KIAA1217: variants seen among roughly 807,000 people sequenced by gnomAD.
The protein encoded by KIAA1217 is KIAA1217.
Under a neutral mutation model 163.9 loss-of-function variants are expected in KIAA1217, and 88 were observed. That is an observed-to-expected ratio of 0.54 (90% confidence interval 0.45 to 0.64). The LOEUF (loss-of-function observed/expected upper bound fraction) is 0.64. Among genes scored for constraint, KIAA1217 ranks in the 30% least tolerant of loss-of-function variants. The pLI is 0.00. For synonymous variants in KIAA1217, 903 were observed against 923.1 expected, an observed-to-expected ratio of 0.98 and a Z score of 0.39; for missense variants, 2,372 against 2,475.0, an observed-to-expected ratio of 0.96 and a Z score of 0.88.
At chr10:24,360,991 A>G (rs545849767) in intron 2 of KIAA1217, among the ~76,000 whole-genome samples, 9 of 152,264 alleles carry the variant, frequency 5.9e-5, no homozygotes, top group African/African-American at 2.2e-4. Context: ...TTTTATTACA[A>G]AAGTAACCAT....
intron 1 of KIAA1217, among the ~76,000 whole-genome samples, chr10:23,817,492 A>G (rs907051799): frequency 1.3e-5 from 2 of 152,152 alleles, no homozygotes; most frequent in Non-Finnish European, 2.9e-5. Context: ...ACCTTTTCCA[A>G]ATGAGATAAG....
At chr10:24,094,119 A>G (rs1408905616) in intron 2 of KIAA1217, among the ~76,000 whole-genome samples, 2 of 152,048 alleles carry the variant, frequency 1.3e-5, no homozygotes, top group Non-Finnish European at 2.9e-5. Context: ...ATACGTGTGC[A>G]TGTGTCTTTA....
chr10:23,979,431 T>C (rs16924172), intron 1 of KIAA1217, among the ~76,000 whole-genome samples: 5,207 of 152,280 alleles, frequency 0.034, 289 homozygotes, highest in African/African-American at 0.12. Context: ...AACAACCGCA[T>C]TTTTCGTGTC....
chr10:24,155,580 G>A (rs1564765956), intron 2 of KIAA1217, among the ~76,000 whole-genome samples: 1 of 152,154 alleles, frequency 6.6e-6, no homozygotes, highest in Non-Finnish European at 1.5e-5. Flanking sequence ...CAGCACTTTA[G>A]GAGGCCGAGG....
At chr10:24,143,814 T>TA (rs575283020) in intron 2 of KIAA1217, among the ~76,000 whole-genome samples, 2,298 of 127,718 alleles carry the variant, frequency 0.018, 35 homozygotes, top group African/African-American at 0.05. Context: ...CATTCCTGAT[T>TA]AAAAAAAAAA....
chr10:24,157,725 G>C (rs1305784656), intron 2 of KIAA1217: 1 of 276,366 alleles, frequency 3.6e-6, no homozygotes, highest in Non-Finnish European at 6.6e-6. Flanking sequence ...ATAACTCTCA[G>C]TATAGCTAAA....
intron 3 of KIAA1217, among the ~76,000 whole-genome samples, chr10:24,395,758 T>C (rs919903721): frequency 8.5e-5 from 13 of 152,144 alleles, no homozygotes; most frequent in African/African-American, 3.1e-4. Flanking sequence ...ACAGCCTCAA[T>C]CTCCTGGGCT....
chr10:24,389,683 T>C (rs1316637802), intron 3 of KIAA1217, among the ~76,000 whole-genome samples: 2 of 152,124 alleles, frequency 1.3e-5, no homozygotes, highest in African/African-American at 4.8e-5. Flanking sequence ...CTGGCTGGAA[T>C]CACCCATACC....
At chr10:24,502,475 A>G (rs561501484) in intron 9 of KIAA1217, among the ~76,000 whole-genome samples, 1 of 152,220 alleles carries the variant, frequency 6.6e-6, no homozygotes, top group East Asian at 1.9e-4. Context: ...CAGGTCACGA[A>G]TCTTGGTCAA....
At chr10:23,862,661 T>C (rs1477883134) in intron 1 of KIAA1217, among the ~76,000 whole-genome samples, 1 of 152,006 alleles carries the variant, frequency 6.6e-6, no homozygotes, top group African/African-American at 2.4e-5. Flanking sequence ...CAATGTTAAA[T>C]TACTGGAGAA....
chr10:24,295,416 A>C (rs2040472148), intron 2 of KIAA1217, among the ~76,000 whole-genome samples: 1 of 152,202 alleles, frequency 6.6e-6, no homozygotes, highest in Non-Finnish European at 1.5e-5. Flanking sequence ...CTTATCAAAG[A>C]TTTATGACTG....
intron 1 of KIAA1217, among the ~76,000 whole-genome samples, chr10:23,987,729 A>G (rs1362562815): frequency 1.3e-5 from 2 of 152,144 alleles, no homozygotes; most frequent in Non-Finnish European, 2.9e-5. Context: ...GTTGTGCAAT[A>G]GATCTCTTGA....
At chr10:24,522,130 G>C (rs1156315310) in intron 12 of KIAA1217, among the ~76,000 whole-genome samples, 1 of 152,128 alleles carries the variant, frequency 6.6e-6, no homozygotes, top group Non-Finnish European at 1.5e-5. Context: ...AGGATTGCTA[G>C]GTGGAGCCCA....
intron 2 of KIAA1217, among the ~76,000 whole-genome samples, chr10:24,131,288 A>G (rs939126640): frequency 6.6e-6 from 1 of 152,206 alleles, no homozygotes; most frequent in Admixed American, 6.5e-5. Context: ...CACTGAAGCA[A>G]AGATGTTCAA....
chr10:24,409,743 C>G (rs2057568097), intron 3 of KIAA1217, among the ~76,000 whole-genome samples: 1 of 152,060 alleles, frequency 6.6e-6, no homozygotes, highest in Admixed American at 6.6e-5. Flanking sequence ...TCCCTCACCC[C>G]TCTCCCACCC....
chr10:23,821,112 T>C (rs866789293), intron 1 of KIAA1217, among the ~76,000 whole-genome samples: 65 of 138,030 alleles, frequency 4.7e-4, no homozygotes, highest in Non-Finnish European at 6.9e-4. Context: ...TGCGTGTGTG[T>C]GTGTGTGTGT....
chr10:23,760,066 T>G lies in KIAA1217; in HGVS notation c.-321+64832T>G, dbSNP rs74123296. On this transcript the variant is annotated intron_variant, in intron 1 of 18. Coordinates refer to the KIAA1217 transcript ENST00000376462. ...TATTTTATTTTTGGATTTTCCTCCC[T>G]TCTTGGGTTTAGGGAAGTTTTAACT... Among the ~76,000 whole-genome samples, 652 of 152,310 alleles carry G rather than the reference T, an allele frequency of 4.3e-3. 4 individuals carry two copies. Among genetic ancestry groups the G allele is most frequent in the African/African-American group, 0.014 (602 of 41,564 alleles).
chr10:23,733,758 C>G (rs1241373818), intron 1 of KIAA1217, among the ~76,000 whole-genome samples: 1 of 151,998 alleles, frequency 6.6e-6, no homozygotes, highest in African/African-American at 2.4e-5. Flanking sequence ...AGTGCCTGCA[C>G]TTAACTGTAT....
At chr10:23,859,605 C>T (rs1473207385) in intron 1 of KIAA1217, among the ~76,000 whole-genome samples, 2 of 152,172 alleles carry the variant, frequency 1.3e-5, no homozygotes, top group Non-Finnish European at 2.9e-5. Flanking sequence ...GATTCATCCA[C>T]ATGTAAACAG....
Sources: allele counts gnomAD v4.1 joint callset (sites outside exome capture counted in the v4.1 genomes callset), GRCh38; gene constraint gnomAD v4.1.1; transcripts MANE v1.5; gene names NCBI Gene and HGNC (gene_info 2026-07-23, HGNC 2026-07-21).